Variants in ETFA observed in about 807,000 individuals in gnomAD.
ETFA encodes electron transfer flavoprotein subunit alpha, also known as electron transfer flavoprotein subunit alpha, mitochondrial.
A neutral mutation model predicts 46.2 loss-of-function variants in ETFA; 22 were observed. The observed-to-expected ratio is 0.48, with a 90% CI of 0.34 to 0.68. The LOEUF (loss-of-function observed/expected upper bound fraction) is 0.68. Ranked by LOEUF, ETFA falls within the 30% of genes least tolerant of loss-of-function variation. ETFA has a pLI of 0.01. For synonymous variants in ETFA, 131 were observed against 139.9 expected (o/e 0.94, Z 0.45); for missense variants, 345 against 401.1 (o/e 0.86, Z 1.19).
intron 10 of ETFA, chr15:76,230,925 G>A (rs1211263902): frequency 2.8e-5 from 5 of 177,834 alleles, no homozygotes; most frequent in Non-Finnish European, 3.6e-5. Context: ...AGAGAATCAG[G>A]GATCAAAACC....
At chr15:76,272,815 T>C (rs1210122947) in intron 9 of ETFA, among the ~76,000 whole-genome samples, 1 of 146,392 alleles carries the variant, frequency 6.8e-6, no homozygotes, top group Non-Finnish European at 1.5e-5. Flanking sequence ...AATATATACA[T>C]ATATATATAT....
At chr15:76,295,834 A>T (rs1293999799) in intron 1 of ETFA, 97 bp from the exon 2 acceptor site, 1 of 860,258 alleles carries the variant, frequency 1.2e-6, no homozygotes, top group Non-Finnish European at 1.8e-6. Flanking sequence ...GCTTTAAAGA[A>T]AACTATTCTG....
chr15:76,307,222 T>C (rs527812483), intron 1 of ETFA, among the ~76,000 whole-genome samples: 1 of 152,258 alleles, frequency 6.6e-6, no homozygotes, highest in Non-Finnish European at 1.5e-5. Context: ...TTAATATCCC[T>C]GCAAGAATAT....
At chr15:76,274,279 C>G (rs1026650973) in intron 9 of ETFA, 133 bp downstream of exon 9, 6 of 738,238 alleles carry the variant, frequency 8.1e-6, no homozygotes, top group Non-Finnish European at 1.5e-5. Context: ...GTGAAAATGA[C>G]ATATTCACCA....
At chr15:76,227,250 CT>C (rs1282282315) in intron 10 of ETFA, among the ~76,000 whole-genome samples, 1 of 151,876 alleles carries the variant, frequency 6.6e-6, no homozygotes, top group Non-Finnish European at 1.5e-5. Context: ...AAAATAAAAG[CT>C]TATGCCTGTA....
intron 11 of ETFA, among the ~76,000 whole-genome samples, chr15:76,218,962 T>G (rs926139447): frequency 7.2e-5 from 11 of 152,146 alleles, no homozygotes; most frequent in African/African-American, 2.7e-4. Context: ...CAGCTTATAC[T>G]GGAATGTAGG....
intron 9 of ETFA, among the ~76,000 whole-genome samples, chr15:76,246,654 ATCC>A (rs1177354479): frequency 6.6e-6 from 1 of 151,962 alleles, no homozygotes; most frequent in East Asian, 1.9e-4. Context: ...ACATGGTGAA[ATCC>A]TGTCTCTACT....
intron 9 of ETFA, among the ~76,000 whole-genome samples, chr15:76,248,649 T>C (rs1431199672): frequency 2.0e-5 from 3 of 152,030 alleles, no homozygotes; most frequent in African/African-American, 7.2e-5. Context: ...AAGATGTGTA[T>C]CCAGAATACA....
intron 4 of ETFA, among the ~76,000 whole-genome samples, chr15:76,291,272 G>A (rs1304357642): frequency 6.6e-6 from 1 of 151,866 alleles, no homozygotes; most frequent in African/African-American, 2.4e-5. Context: ...GCGAAACCCT[G>A]TCTCTACTAA....
intron 10 of ETFA, among the ~76,000 whole-genome samples, chr15:76,229,330 T>C (rs2039039744): frequency 6.6e-6 from 1 of 152,214 alleles, no homozygotes; most frequent in African/African-American, 2.4e-5. Context: ...GTACAAGGAA[T>C]GGTCTTAATA....
At chr15:76,286,210 T>C (rs1369387593) in intron 6 of ETFA, among the ~76,000 whole-genome samples, 161 bp downstream of exon 6, 1 of 152,238 alleles carries the variant, frequency 6.6e-6, no homozygotes, top group Non-Finnish European at 1.5e-5. Context: ...ATGTAAGTTA[T>C]ACATATTTAT....
Position 76,216,094 on chromosome 15 carries a change from C to T in ETFA, c.*465G>A, listed in dbSNP as rs948688282. ...CGTGCTTTTTTAACTCTGCACTTGC[C>T]AATTCAGTTACCTTCTCCTATGAAG... On this transcript the variant is annotated 3_prime_UTR_variant, in exon 12 of 12. Coordinates refer to ENST00000557943, the MANE Select transcript of ETFA (RefSeq NM_000126.4). 7 of 161,118 alleles carry T rather than the reference C, an allele frequency of 4.3e-5. No homozygotes were observed. Among genetic ancestry groups the T allele is most frequent in the Non-Finnish European group, 8.0e-5 (6 of 74,566 alleles). 10.0% of individuals were successfully genotyped at this position (161,118 alleles called of 1,614,324 possible).
At chr15:76,272,032 T>C (rs1010402637) in intron 9 of ETFA, among the ~76,000 whole-genome samples, 1 of 151,970 alleles carries the variant, frequency 6.6e-6, no homozygotes, top group Non-Finnish European at 1.5e-5. Flanking sequence ...GAAAAAAAAT[T>C]TCGATGGTTC....
intron 9 of ETFA, 92 bp downstream of exon 9, chr15:76,274,320 G>A: frequency 1.0e-6 from 1 of 988,202 alleles, no homozygotes; most frequent in African/African-American, 1.6e-5. Flanking sequence ...GGAACACTGA[G>A]TAAGGTAAAT....
intron 10 of ETFA, 90 bp from the exon 11 acceptor site, chr15:76,226,019 T>C: frequency 2.6e-6 from 2 of 771,910 alleles, no homozygotes; most frequent in Non-Finnish European, 4.6e-6. Context: ...TATATTAATA[T>C]TCTTAAAATG....
intron 9 of ETFA, among the ~76,000 whole-genome samples, chr15:76,270,685 A>G (rs747474287): frequency 6.6e-6 from 1 of 152,190 alleles, no homozygotes; most frequent in Non-Finnish European, 1.5e-5. Context: ...TGAGCCTGGA[A>G]CATCTTGTCT....
At chr15:76,265,966 C>T (rs1199557678) in intron 9 of ETFA, among the ~76,000 whole-genome samples, 1 of 152,120 alleles carries the variant, frequency 6.6e-6, no homozygotes, top group East Asian at 1.9e-4. Flanking sequence ...TTGGGTGGAG[C>T]AATGGCCACT....
chr15:76,222,265 AAAT>A lies in ETFA; in HGVS notation c.963+3581_963+3583del, dbSNP rs1002679398. ...ACAATACATAAAATACAAAAAATAAAAATAAAATATTAAAAATATAAAATATAT... is the reference window on the plus strand; with the variant it reads ...ACAATACATAAAATACAAAAAATAAAAAAATATTAAAAATATAAAATATAT... On this transcript the variant is annotated intron_variant, in intron 11 of 11. Transcript: ENST00000557943. Among the ~76,000 whole-genome samples, 4 of 145,476 alleles carry A rather than the reference AAAT, an allele frequency of 2.7e-5. No homozygotes were observed. In the South Asian group the frequency reaches 8.7e-4, roughly 32 times the overall value.
Position 76,295,609 on chromosome 15 carries a change from A to T in ETFA, c.168T>A (p.Ala56=). The change falls in exon 2 of 12, where the codon GCT becomes GCA. Residue 56 remains alanine, a synonymous_variant. Coordinates refer to ENST00000557943, the MANE Select transcript of ETFA (RefSeq NM_000126.4). Reference sequence around the variant, plus strand: ...TTCTCACCTTGTCACATTTGGTTCCAGCTACTAAGCAGGACACTTCACCTC... The same window carrying T: ...TTCTCACCTTGTCACATTTGGTTCCTGCTACTAAGCAGGACACTTCACCTC... ...RLGGEVSCLV[A]GTKCDKVAQD... is the part of the protein sequence containing the mutation. 6.2e-7 allele frequency: 1 copy of T among 1,613,722 alleles called. No individual in the cohort carries two copies. The highest frequency in any genetic ancestry group is 8.5e-7 in the Non-Finnish European group (1 of 1,179,656).
Sources: gnomAD v4.1 joint callset for allele counts (sites outside exome capture counted in the v4.1 genomes callset) on GRCh38, gnomAD v4.1.1 for gene constraint, MANE v1.5 for transcripts, NCBI Gene and HGNC (gene_info 2026-07-23, HGNC 2026-07-21) for gene names.